Variants in FMN2 observed in about 807,000 individuals in gnomAD.
The protein encoded by FMN2 is formin-2.
In FMN2, 51 loss-of-function variants were observed where a neutral mutation model predicts 142.3. That is an observed-to-expected ratio of 0.36 (90% CI 0.29 to 0.45). The LOEUF is 0.45. FMN2 is among the 20% of genes least tolerant of loss of function. The probability of loss-of-function intolerance (pLI) is 1.00; values close to 1 mark genes in which losing one functional copy is unlikely to be tolerated. For missense variants in FMN2, 1,936 were observed against 2,122.8 expected, an observed-to-expected ratio of 0.91 and a Z score of 1.73; for synonymous variants, 882 against 869.8, an observed-to-expected ratio of 1.01 and a Z score of -0.25.
chr1:240,464,552 TATCTA>T (rs1676551513), intron 16 of FMN2, among the ~76,000 whole-genome samples: 1 of 152,214 alleles, frequency 6.6e-6, no homozygotes, highest in Non-Finnish European at 1.5e-5. Flanking sequence ...TATAGATACT[TATCTA>T]ATTGTCAAGG....
chr1:240,436,058 A>G (rs541163345), intron 15 of FMN2, among the ~76,000 whole-genome samples: 2 of 152,302 alleles, frequency 1.3e-5, no homozygotes, highest in South Asian at 2.1e-4. Flanking sequence ...TTAATAAAAT[A>G]TGACCCAGAT....
intron 2 of FMN2, among the ~76,000 whole-genome samples, chr1:240,125,032 T>C (rs984490581): frequency 6.6e-6 from 1 of 152,200 alleles, no homozygotes; most frequent in Non-Finnish European, 1.5e-5. Context: ...CTTATCAGCC[T>C]TCTTCAATAT....
At chr1:240,352,267 A>C (rs1672121332) in intron 13 of FMN2, among the ~76,000 whole-genome samples, 1 of 152,160 alleles carries the variant, frequency 6.6e-6, no homozygotes, top group Admixed American at 6.5e-5. Flanking sequence ...TTGAATCAGT[A>C]GATAGTTGAT....
At chr1:240,439,551 T>C (rs2103183485) in intron 16 of FMN2, among the ~76,000 whole-genome samples, 1 of 152,252 alleles carries the variant, frequency 6.6e-6, no homozygotes, top group East Asian at 1.9e-4. Context: ...GAAACTATCC[T>C]CAGTGAATAG....
chr1:240,356,662 A>G (rs1672282837), intron 14 of FMN2, among the ~76,000 whole-genome samples: 1 of 152,214 alleles, frequency 6.6e-6, no homozygotes, highest in Admixed American at 6.5e-5. Flanking sequence ...GATTTATATC[A>G]TGCCATGCTC....
intron 6 of FMN2, among the ~76,000 whole-genome samples, chr1:240,235,481 C>T (rs965287580): frequency 6.6e-6 from 1 of 151,316 alleles, no homozygotes; most frequent in African/African-American, 2.4e-5. Context: ...GTGTGATCAT[C>T]GCTCACGACA....
intron 13 of FMN2, among the ~76,000 whole-genome samples, chr1:240,340,120 A>G (rs926965925): frequency 6.6e-6 from 1 of 151,986 alleles, no homozygotes; most frequent in Non-Finnish European, 1.5e-5. Context: ...TTTTTTCCAG[A>G]CTTTGGGTAC....
intron 8 of FMN2, among the ~76,000 whole-genome samples, chr1:240,328,096 A>G (rs1337057771): frequency 7.1e-6 from 1 of 140,900 alleles, no homozygotes; most frequent in Non-Finnish European, 1.5e-5. Flanking sequence ...TGTAGTGAGC[A>G]GATGTGGCGC....
At chr1:240,206,683 G>T (rs1377634527) in intron 4 of FMN2, 116 bp from the exon 5 acceptor site, 1 of 1,243,590 alleles carries the variant, frequency 8.0e-7, no homozygotes, top group Admixed American at 2.8e-5. Flanking sequence ...CCATCTTTCT[G>T]TCAAGGAGTC....
intron 14 of FMN2, among the ~76,000 whole-genome samples, chr1:240,384,217 A>T (rs1032179310): frequency 6.6e-6 from 1 of 152,190 alleles, no homozygotes; most frequent in African/African-American, 2.4e-5. Flanking sequence ...TATTTGGGTG[A>T]TGGATTCAAT....
rs749819049 is a variant in FMN2, at chr1:240,114,652, A to ATTTGTTT, written c.1616-8524_1616-8523insGTTTTTT. On this transcript the variant is annotated intron_variant, in intron 1 of 17. Transcript: ENST00000319653. ...AAAATGGTGATTTTCTAATTATATC[A>ATTTGTTT]TTTCTTTTTTTTTTTTTTTTTTGAG... Among the ~76,000 whole-genome samples the ATTTGTTT allele has an allele frequency of 3.6e-5, 5 of 137,778 alleles. 2 individuals are homozygous for ATTTGTTT. Among genetic ancestry groups the ATTTGTTT allele is most frequent in the Non-Finnish European group, 1.6e-5 (1 of 63,796 alleles). The allele number at this position is 137,778 out of a possible 152,430, so 90.4% of individuals were successfully genotyped here. A position where few individuals can be genotyped will look rare whatever the true frequency, so the allele number is the denominator to read the frequency against.
At chr1:240,127,142 C>G (rs554161341) in intron 2 of FMN2, among the ~76,000 whole-genome samples, 2 of 139,628 alleles carry the variant, frequency 1.4e-5, no homozygotes, top group Non-Finnish European at 3.1e-5. Flanking sequence ...TTTTTTGAAA[C>G]GGAGTCTCGC....
chr1:240,103,008 G>A (rs1661466773), intron 1 of FMN2, among the ~76,000 whole-genome samples: 1 of 151,910 alleles, frequency 6.6e-6, no homozygotes, highest in Admixed American at 6.6e-5. Flanking sequence ...GGGACTATAG[G>A]CACATGCCAC....
At chr1:240,143,383 G>T in intron 2 of FMN2, 1 of 1,432,564 alleles carries the variant, frequency 7.0e-7, no homozygotes, top group Non-Finnish European at 9.8e-7. Flanking sequence ...TGCCGTCTCT[G>T]CACCAATCTC....
chr1:240,235,190 T>C (rs1328768719), intron 6 of FMN2, among the ~76,000 whole-genome samples: 1 of 152,186 alleles, frequency 6.6e-6, no homozygotes, highest in East Asian at 1.9e-4. Context: ...GTCTAAGATA[T>C]TGCGATAAAT....
intron 3 of FMN2, among the ~76,000 whole-genome samples, chr1:240,186,566 G>C (rs557462752): frequency 6.6e-6 from 1 of 152,328 alleles, no homozygotes; most frequent in South Asian, 2.1e-4. Flanking sequence ...GTCGCTGCTT[G>C]AGCAAAGCCC....
chr1:240,284,243 T>G (rs1669508482), intron 7 of FMN2, among the ~76,000 whole-genome samples: 1 of 152,194 alleles, frequency 6.6e-6, no homozygotes, highest in African/African-American at 2.4e-5. Flanking sequence ...GTCATGTGGG[T>G]AATTGTCAGG....
chr1:240,291,241 G>A (rs566852384), intron 7 of FMN2, among the ~76,000 whole-genome samples: 1 of 152,262 alleles, frequency 6.6e-6, no homozygotes, highest in South Asian at 2.1e-4. Flanking sequence ...GTGCAAAAAA[G>A]GTCTATAGTT....
chr1:240,295,928 A>G (rs1328347828), intron 8 of FMN2, among the ~76,000 whole-genome samples: 1 of 152,168 alleles, frequency 6.6e-6, no homozygotes, highest in Non-Finnish European at 1.5e-5. Flanking sequence ...AACACCTGTT[A>G]TCTCTCTCCT....
Sources: allele counts gnomAD v4.1 joint callset (sites outside exome capture counted in the v4.1 genomes callset), GRCh38; gene constraint gnomAD v4.1.1; transcripts MANE v1.5; gene names NCBI Gene and HGNC (gene_info 2026-07-23, HGNC 2026-07-21).